FAAH2: variants seen among roughly 807,000 people sequenced by gnomAD.
The protein encoded by FAAH2 is fatty-acid amide hydrolase 2.
FAAH2 carries 60 observed loss-of-function variants against 36.9 expected under a neutral mutation model. That is an observed-to-expected ratio of 1.63 (90% confidence interval 1.32 to 2.02). The LOEUF (loss-of-function observed/expected upper bound fraction) is 2.02, where lower values mean the gene tolerates loss of function less well. Among genes scored for constraint, FAAH2 ranks in the 30% most tolerant of loss-of-function variants. The pLI is 0.00. For synonymous variants in FAAH2, 214 were observed against 143.8 expected (o/e 1.49, Z -3.49); for missense variants, 689 against 397.5 (o/e 1.73, Z -6.23).
chrX:57,361,777 A>T (rs1270858049), intron 5 of FAAH2, among the ~76,000 whole-genome samples: 2 of 111,946 alleles, frequency 1.8e-5, no homozygotes, highest in African/African-American at 6.5e-5. Context: ...GATAAAATGC[A>T]TCCTTTTCTC....
At chrX:57,181,674 A>G in the FAAH2 span, among the ~76,000 whole-genome samples, 1 of 111,854 alleles carries the variant, frequency 8.9e-6, no homozygotes, top group African/African-American at 3.2e-5. Flanking sequence ...TAAAGATTCA[A>G]TGCTCTTCCT....
At chrX:57,487,310 A>G (rs957698489) in intron 10 of FAAH2, among the ~76,000 whole-genome samples, 16 of 111,155 alleles carry the variant, frequency 1.4e-4, no homozygotes, top group African/African-American at 5.2e-4. Context: ...AAAAAAAACT[A>G]TATTTCAAAA....
chrX:57,477,119 T>C (rs1480345304), intron 10 of FAAH2, among the ~76,000 whole-genome samples: 1 of 111,261 alleles, frequency 9.0e-6, no homozygotes, highest in Non-Finnish European at 1.9e-5. Context: ...TATAGTGATC[T>C]ATTTATTTTG....
chrX:57,122,811 A>G, the FAAH2 span, among the ~76,000 whole-genome samples: 1 of 111,802 alleles, frequency 8.9e-6, no homozygotes. Context: ...TCTACAAGGA[A>G]AAATAGAAGT....
At chrX:57,152,264 C>T in the FAAH2 span, among the ~76,000 whole-genome samples, 5 of 112,298 alleles carry the variant, frequency 4.5e-5, no homozygotes, top group South Asian at 3.7e-4. Flanking sequence ...TCTCCGGCTG[C>T]GTGCTGGGAG....
At chrX:57,229,042 A>G in the FAAH2 span, 18 of 111,706 alleles carry the variant, frequency 1.6e-4, no homozygotes, top group African/African-American at 5.2e-4. Flanking sequence ...CTATGGAAGA[A>G]GCAACATCTA....
chrX:57,439,882 T>TG (rs1294198201), intron 8 of FAAH2, among the ~76,000 whole-genome samples: 6 of 111,934 alleles, frequency 5.4e-5, no homozygotes, highest in African/African-American at 1.9e-4. Context: ...TTCTTGTTTT[T>TG]GTCAGGTTTG....
At chrX:57,260,103 T>A in the FAAH2 span, among the ~76,000 whole-genome samples, 705 of 111,665 alleles carry the variant, frequency 6.3e-3, 6 homozygotes, top group Middle Eastern at 9.7e-3. Context: ...TTTCCTAGCA[T>A]TTTTTACTTT....
At chrX:57,292,682 G>T in intron 2 of FAAH2, 102 bp downstream of exon 2, 1 of 641,501 alleles carries the variant, frequency 1.6e-6, no homozygotes. Flanking sequence ...CTTTCTCTTT[G>T]TCCTTCCCTT....
At chrX:57,449,476 A>T (rs146844077) in intron 10 of FAAH2, among the ~76,000 whole-genome samples, 15 of 112,109 alleles carry the variant, frequency 1.3e-4, no homozygotes, top group Admixed American at 9.5e-5. Context: ...AGTCAGGGTA[A>T]TCTATGCCTT....
chrX:57,257,359 G>A, the FAAH2 span, among the ~76,000 whole-genome samples: 1 of 111,860 alleles, frequency 8.9e-6, no homozygotes, highest in Non-Finnish European at 1.9e-5. Context: ...ATACTATGCA[G>A]CCAGAACAAA....
At position 57,378,806 on chromosome X, in the gene FAAH2, T is replaced by C. The variant is rs1476922477; in HGVS notation, c.878+20T>C. ...CAAAAGGTATGTTCATTTATTTTTA[T>C]TTCCTTGGACTCTTATCCTGACATT... On this transcript the variant is annotated intron_variant, in intron 6 of 10. Transcript: ENST00000374900. The C allele has an allele frequency of 8.4e-7, 1 of 1,188,223 alleles. No homozygotes were observed. Among genetic ancestry groups the C allele is most frequent in the Non-Finnish European group, 1.1e-6 (1 of 882,120 alleles).
intron 8 of FAAH2, among the ~76,000 whole-genome samples, chrX:57,446,666 G>T (rs1022368839): frequency 3.6e-5 from 4 of 111,616 alleles, no homozygotes; most frequent in African/African-American, 1.3e-4. Context: ...ATGTGAATAG[G>T]CTCATACGTA....
Position 57,393,572 on chromosome X carries a change from T to C in FAAH2, c.996+12543T>C, listed in dbSNP as rs780353641. ...AAACACTGGAGTGCCCTCCAATCTC[T>C]GCATGAGATTGGGCTTGATTGTGTC... On this transcript the variant is annotated intron_variant, in intron 7 of 10. Transcript: ENST00000374900. 5 of 912,759 alleles carry C rather than the reference T, an allele frequency of 5.5e-6. No homozygotes were observed. In the East Asian group the frequency reaches 1.5e-4, roughly 28 times the overall value. The allele number at this position is 912,759 out of a possible 1,213,427, so 75.2% of individuals were successfully genotyped here.
chrX:57,447,224 G>A (rs749690853), intron 9 of FAAH2, among the ~76,000 whole-genome samples, 185 bp downstream of exon 9: 1 of 111,990 alleles, frequency 8.9e-6, no homozygotes, highest in South Asian at 3.8e-4. Context: ...GATGCAAGAG[G>A]TGGGTTCTCA....
At chrX:57,318,094 T>C (rs895220671) in intron 3 of FAAH2, among the ~76,000 whole-genome samples, 2 of 110,766 alleles carry the variant, frequency 1.8e-5, no homozygotes, top group Non-Finnish European at 3.8e-5. Context: ...AACATCACAA[T>C]TAAAAGAACT....
At chrX:57,166,384 A>C in the FAAH2 span, among the ~76,000 whole-genome samples, 1 of 112,021 alleles carries the variant, frequency 8.9e-6, no homozygotes, top group South Asian at 3.8e-4. Context: ...CTGCAGACAG[A>C]AAAACTGAAA....
intron 8 of FAAH2, among the ~76,000 whole-genome samples, chrX:57,442,774 T>C (rs2056590611): frequency 1.8e-5 from 2 of 111,977 alleles, no homozygotes; most frequent in South Asian, 7.5e-4. Context: ...TGTTTAGTGC[T>C]TCCTTCAGGA....
chrX:57,187,823 T>C, the FAAH2 span, among the ~76,000 whole-genome samples: 1 of 111,385 alleles, frequency 9.0e-6, no homozygotes, highest in South Asian at 3.8e-4. Context: ...ATTGAGATAA[T>C]GTGGTTTTGT....
Sources: allele counts gnomAD v4.1 joint callset (sites outside exome capture counted in the v4.1 genomes callset), GRCh38; gene constraint gnomAD v4.1.1; transcripts MANE v1.5; gene names NCBI Gene and HGNC (gene_info 2026-07-23, HGNC 2026-07-21).